The following ASTN1 variants were observed in gnomAD, a reference collection of about 807,000 sequenced individuals.
ASTN1 encodes astrotactin 1, also known as astrotactin-1.
A neutral mutation model predicts 140.7 loss-of-function variants in ASTN1; 41 were observed. That is an observed-to-expected ratio of 0.29 (90% CI 0.23 to 0.38). The LOEUF (loss-of-function observed/expected upper bound fraction) is 0.38. Ranked by LOEUF, ASTN1 falls within the 10% of genes least tolerant of loss-of-function variation. The pLI is 1.00. For missense variants in ASTN1, 1,479 were observed against 1,678.8 expected (o/e 0.88, Z 2.08); for synonymous variants, 640 against 652.2 (o/e 0.98, Z 0.29).
At chr1:177,149,976 C>T (rs1157880419) in intron 1 of ASTN1, among the ~76,000 whole-genome samples, 2 of 151,190 alleles carry the variant, frequency 1.3e-5, no homozygotes, top group African/African-American at 4.9e-5. Flanking sequence ...TTTTATTTCT[C>T]ATTGTCTTCC....
At chr1:176,994,310 T>C (rs1674338165) in intron 8 of ASTN1, among the ~76,000 whole-genome samples, 2 of 152,140 alleles carry the variant, frequency 1.3e-5, no homozygotes, top group Non-Finnish European at 2.9e-5. Context: ...CTGCATTTAC[T>C]TTTCCTCTTT....
At chr1:176,896,993 A>G (rs1300579892) in intron 16 of ASTN1, among the ~76,000 whole-genome samples, 1 of 152,158 alleles carries the variant, frequency 6.6e-6, no homozygotes, top group Non-Finnish European at 1.5e-5. Flanking sequence ...AAAGTAAGTA[A>G]AGGGCGGACG....
At chr1:176,967,303 T>G (rs1227617096) in intron 8 of ASTN1, among the ~76,000 whole-genome samples, 2 of 152,206 alleles carry the variant, frequency 1.3e-5, no homozygotes, top group African/African-American at 4.8e-5. Context: ...GGTTTGAATC[T>G]GATTCTTTTT....
intron 21 of ASTN1, among the ~76,000 whole-genome samples, chr1:176,870,699 T>C (rs1172979319): frequency 3.3e-5 from 5 of 152,240 alleles, no homozygotes; most frequent in Non-Finnish European, 7.3e-5. Context: ...CCAGCATATT[T>C]AGCTGCATTG....
intron 1 of ASTN1, among the ~76,000 whole-genome samples, chr1:177,077,091 T>C (rs1678949236): frequency 6.6e-6 from 1 of 152,172 alleles, no homozygotes; most frequent in South Asian, 2.1e-4. Flanking sequence ...GTATTTGTCA[T>C]ATTAATGATG....
chr1:176,867,664 A>C (rs1329722205), intron 22 of ASTN1, among the ~76,000 whole-genome samples: 2 of 152,304 alleles, frequency 1.3e-5, no homozygotes, highest in East Asian at 3.9e-4. Context: ...ACATAAAATC[A>C]TTTTATTTCA....
chr1:176,875,440 C>T (rs1668522205), intron 21 of ASTN1, among the ~76,000 whole-genome samples: 1 of 152,162 alleles, frequency 6.6e-6, no homozygotes, highest in African/African-American at 2.4e-5. Flanking sequence ...GATCAGGTGT[C>T]TGTGTTGGAA....
chr1:176,874,410 C>A, intron 21 of ASTN1, among the ~76,000 whole-genome samples: 1 of 152,140 alleles, frequency 6.6e-6, no homozygotes, highest in African/African-American at 2.4e-5. Flanking sequence ...TCTTCTTCAC[C>A]AGTATTTAAA....
rs74779473 is a variant in ASTN1 at position 176,993,255 on chromosome 1, A to G, written c.1523+21536T>C. ...AGAGAGTAAGGTATCACAAACACAAAGCCAGAGAAGGTATAGTCCATGTCC... is the reference window on the plus strand; with the variant it reads ...AGAGAGTAAGGTATCACAAACACAAGGCCAGAGAAGGTATAGTCCATGTCC... On this transcript the variant is annotated intron_variant, in intron 8 of 22. Transcript: ENST00000361833. 1.0e-2 allele frequency among the ~76,000 whole-genome samples: 1,521 copies of G among 152,328 alleles called. 17 individuals are homozygous for G. The highest frequency in any genetic ancestry group is 0.034 in the African/African-American group (1,423 of 41,564).
chr1:177,150,296 A>G (rs1344164246), intron 1 of ASTN1, among the ~76,000 whole-genome samples: 1 of 152,132 alleles, frequency 6.6e-6, no homozygotes, highest in Non-Finnish European at 1.5e-5. Flanking sequence ...AATGTAGACT[A>G]GAACCCAGAT....
chr1:176,938,987 C>T (rs1671569268), intron 14 of ASTN1, among the ~76,000 whole-genome samples: 1 of 151,922 alleles, frequency 6.6e-6, no homozygotes, highest in South Asian at 2.1e-4. Flanking sequence ...AGCTGGGTGC[C>T]TGTAGTCCCA....
chr1:177,096,120 C>A (rs1008126307), intron 1 of ASTN1, among the ~76,000 whole-genome samples: 1 of 152,180 alleles, frequency 6.6e-6, no homozygotes, highest in Non-Finnish European at 1.5e-5. Context: ...CTATCCTATA[C>A]TTATCCCACC....
chr1:176,858,867 G>A (rs1480812575), downstream of ASTN1, among the ~76,000 whole-genome samples: 1 of 152,204 alleles, frequency 6.6e-6, no homozygotes, highest in African/African-American at 2.4e-5. Context: ...CATGATGGCA[G>A]TATAGTGTAA....
intron 8 of ASTN1, among the ~76,000 whole-genome samples, chr1:177,007,046 C>A (rs1450403095): frequency 6.6e-6 from 1 of 152,156 alleles, no homozygotes; most frequent in African/African-American, 2.4e-5. Flanking sequence ...GCTTGACTAC[C>A]AGCTATGTGA....
At chr1:177,016,785 G>C (rs554572273) in intron 7 of ASTN1, among the ~76,000 whole-genome samples, 1 of 152,314 alleles carries the variant, frequency 6.6e-6, no homozygotes, top group South Asian at 2.1e-4. Context: ...TATATTTACA[G>C]ATATTTACAC....
intron 1 of ASTN1, among the ~76,000 whole-genome samples, chr1:177,154,196 A>C (rs941338304): frequency 6.6e-6 from 1 of 152,182 alleles, no homozygotes; most frequent in East Asian, 1.9e-4. Context: ...CCATCACTGA[A>C]AGGACTGGCA....
At chr1:176,885,678 C>T (rs1669005443) in intron 18 of ASTN1, among the ~76,000 whole-genome samples, 1 of 152,176 alleles carries the variant, frequency 6.6e-6, no homozygotes, top group Non-Finnish European at 1.5e-5. Context: ...GACACCAAAC[C>T]ATCTGCAATC....
At chr1:177,025,192 G>A (rs950458736) in intron 5 of ASTN1, among the ~76,000 whole-genome samples, 3 of 152,152 alleles carry the variant, frequency 2.0e-5, no homozygotes, top group African/African-American at 7.2e-5. Context: ...TTCCTGAGCT[G>A]GAAGAGCTTG....
At chr1:176,887,664 G>C (rs895108488) in intron 18 of ASTN1, among the ~76,000 whole-genome samples, 1 of 152,212 alleles carries the variant, frequency 6.6e-6, no homozygotes, top group Middle Eastern at 3.4e-3. Flanking sequence ...TGTTCAATGA[G>C]TGGTTATGTT....
Sources: gnomAD v4.1 joint callset for allele counts (sites outside exome capture counted in the v4.1 genomes callset) on GRCh38, gnomAD v4.1.1 for gene constraint, MANE v1.5 for transcripts, NCBI Gene and HGNC (gene_info 2026-07-23, HGNC 2026-07-21) for gene names.